Variants in MYO18B observed in about 807,000 individuals in gnomAD.
The protein encoded by MYO18B is myosin XVIIIB.
In MYO18B, 204 loss-of-function variants were observed where a neutral mutation model predicts 273.0. That is an observed-to-expected ratio of 0.75 (90% CI 0.67 to 0.84). The LOEUF (loss-of-function observed/expected upper bound fraction) is 0.84. Among genes scored for constraint, MYO18B ranks in the 40% least tolerant of loss-of-function variants. The probability of loss-of-function intolerance (pLI) is 0.00; values close to 1 mark genes in which losing one functional copy is unlikely to be tolerated. For missense variants in MYO18B, 3,212 were observed against 3,287.6 expected (o/e 0.98, Z 0.56); for synonymous variants, 1,330 against 1,305.7 (o/e 1.02, Z -0.40).
In MYO18B at chr22:25,785,614, C is replaced by A. The variant is rs1252402908; in HGVS notation, c.2376+123C>A. 1.1e-4 allele frequency: 118 copies of A among 1,027,736 alleles called. No individual in the cohort carries two copies. In the South Asian group the frequency reaches 1.6e-3, roughly 14 times the overall value. 63.7% of individuals were successfully genotyped at this position (1,027,736 alleles called of 1,614,324 possible). ...GGGTTCATAGTTGGCAAGGGTTGGT[C>A]ATGTGGAAGAGTTGGCACTGCCTTT... On this transcript the variant is annotated intron_variant, in intron 11 of 43. Coordinates refer to ENST00000335473, the MANE Select transcript of MYO18B (RefSeq NM_032608.7).
intron 22 of MYO18B, among the ~76,000 whole-genome samples, chr22:25,869,837 A>G (rs1202204373): frequency 6.6e-6 from 1 of 152,178 alleles, no homozygotes; most frequent in East Asian, 1.9e-4. Flanking sequence ...TGGTCCTGCT[A>G]AGGTATATGG....
Position 26,027,008 on chromosome 22 carries a change from A to C in MYO18B, c.7034A>C (p.Lys2345Thr), listed in dbSNP as rs1426784769. The change falls in exon 43 of 44, where the codon AAA becomes ACA. Residue 2345 changes from lysine to threonine, a missense_variant. By Grantham distance (78) the Lys-to-Thr change is moderately conservative (BLOSUM62 -1). Coordinates refer to ENST00000335473, the MANE Select transcript of MYO18B (RefSeq NM_032608.7). This position sits in a 1 kb window ranked among gnomAD's most constrained non-coding sequence, Gnocchi z 4.1. ...GGTTLLPEKS[K>T]TQFSSCESLL... is the part of the protein sequence containing the mutation. ...ACAACCCTACTCCCCGAAAAGTCGAAAACCCAATTCAGTTCCTGCGAGTCC... is the reference window on the plus strand; with the variant it reads ...ACAACCCTACTCCCCGAAAAGTCGACAACCCAATTCAGTTCCTGCGAGTCC... The C allele has an allele frequency of 6.2e-7, 1 of 1,613,976 alleles. No homozygotes were observed. Among genetic ancestry groups the C allele is most frequent in the Admixed American group, 1.7e-5 (1 of 60,018 alleles).
At chr22:26,048,476 G>T in the MYO18B span, among the ~76,000 whole-genome samples, 2 of 152,066 alleles carry the variant, frequency 1.3e-5, no homozygotes, top group Non-Finnish European at 2.9e-5. Context: ...CGGGGGTGGG[G>T]TGCAGAGCAT....
intron 39 of MYO18B, among the ~76,000 whole-genome samples, chr22:25,982,103 G>A (rs2093154746): frequency 6.6e-6 from 1 of 152,166 alleles, no homozygotes; most frequent in South Asian, 2.1e-4. Context: ...GATCTTATTT[G>A]CTAACATGAG....
chr22:25,796,594 TAAA>T (rs67767641), intron 11 of MYO18B, among the ~76,000 whole-genome samples: 1 of 141,468 alleles, frequency 7.1e-6, no homozygotes. Context: ...AGACCCTGTC[TAAA>T]AAAAAAAAAA....
chr22:25,950,517 G>GTTGTGT, intron 37 of MYO18B, 67 bp downstream of exon 37: 1 of 245,070 alleles, frequency 4.1e-6, no homozygotes, highest in African/African-American at 7.6e-5. Context: ...GAACTAATAG[G>GTTGTGT]ATGTGTGTGT....
At chr22:25,937,738 AC>A (rs1318289853) in intron 34 of MYO18B, among the ~76,000 whole-genome samples, 3 of 151,856 alleles carry the variant, frequency 2.0e-5, no homozygotes, top group Non-Finnish European at 4.4e-5. Flanking sequence ...GGCATGCACC[AC>A]CGCGCCTGGC....
At chr22:26,060,661 A>G in the MYO18B span, among the ~76,000 whole-genome samples, 1 of 152,194 alleles carries the variant, frequency 6.6e-6, no homozygotes, top group Non-Finnish European at 1.5e-5. Flanking sequence ...ACACATTTAT[A>G]CATACGCACA....
the MYO18B span, among the ~76,000 whole-genome samples, chr22:26,051,368 C>T: frequency 1.1e-4 from 16 of 152,078 alleles, no homozygotes; most frequent in African/African-American, 2.2e-4. Context: ...GGATTACAGG[C>T]GCCCACCACC....
At chr22:25,936,804 A>G (rs1044644192) in intron 34 of MYO18B, among the ~76,000 whole-genome samples, 3 of 152,088 alleles carry the variant, frequency 2.0e-5, no homozygotes, top group Non-Finnish European at 4.4e-5. Flanking sequence ...CTCACATGGT[A>G]GAGAGGAAGG....
rs557584189 is a variant in MYO18B, at chr22:25,865,058, G to C, written c.3886-3262G>C. Among the ~76,000 whole-genome samples the C allele has an allele frequency of 1.2e-4, 18 of 152,272 alleles. No homozygotes were observed. The East Asian group carries it at 3.3e-3, about 28-fold the overall frequency. ...ACCTAAACCAATGACAGTTTCGTAT[G>C]GTTCAATCTAATTGTAACGTTAAAT... On this transcript the variant is annotated intron_variant, in intron 21 of 43. Coordinates refer to ENST00000335473, the MANE Select transcript of MYO18B (RefSeq NM_032608.7).
chr22:25,829,752 C>A (rs530230340), intron 15 of MYO18B, among the ~76,000 whole-genome samples: 222 of 152,136 alleles, frequency 1.5e-3, no homozygotes, highest in Non-Finnish European at 2.7e-3. Context: ...GCAGGAGAAT[C>A]GCTTGAACCC....
At chr22:25,777,482 G>A in intron 7 of MYO18B, 101 bp from the exon 8 acceptor site, 4 of 1,152,076 alleles carry the variant, frequency 3.5e-6, no homozygotes, top group African/African-American at 3.2e-5. Context: ...CTGGAGGCAG[G>A]GACACAGATC....
chr22:26,002,387 G>A (rs1305830000), intron 40 of MYO18B, among the ~76,000 whole-genome samples: 1 of 152,170 alleles, frequency 6.6e-6, no homozygotes, highest in Non-Finnish European at 1.5e-5. Context: ...ACTTGTTCTT[G>A]GTCCAGAAGG....
Position 26,015,788 on chromosome 22 carries a change from C to A in MYO18B, c.6471-10657C>A, listed in dbSNP as rs192465392. Reference sequence around the variant, plus strand: ...CCTATATAACAAACCTGCACATGTACCCCTGAACTTAAAAGTTTTTTTTCT... The same window carrying A: ...CCTATATAACAAACCTGCACATGTAACCCTGAACTTAAAAGTTTTTTTTCT... On this transcript the variant is annotated intron_variant, in intron 42 of 43. Coordinates refer to ENST00000335473, the MANE Select transcript of MYO18B (RefSeq NM_032608.7). Among the ~76,000 whole-genome samples the A allele has an allele frequency of 4.1e-3, 628 of 152,224 alleles. 5 individuals carry two copies. The highest frequency in any genetic ancestry group is 0.014 in the African/African-American group (583 of 41,536).
intron 39 of MYO18B, among the ~76,000 whole-genome samples, chr22:25,965,877 C>T (rs956260351): frequency 1.3e-5 from 2 of 152,180 alleles, no homozygotes; most frequent in African/African-American, 4.8e-5. Context: ...TGTGACCTGG[C>T]GTCTCCTTGG....
intron 2 of MYO18B, among the ~76,000 whole-genome samples, chr22:25,761,606 C>T (rs2086320893): frequency 6.6e-6 from 1 of 152,162 alleles, no homozygotes. Context: ...TCCTTTCTCC[C>T]CTTTAGTATT....
intron 12 of MYO18B, among the ~76,000 whole-genome samples, chr22:25,809,929 A>G (rs947248721): frequency 1.3e-5 from 2 of 151,960 alleles, no homozygotes; most frequent in Admixed American, 6.6e-5. Context: ...TTTTAAAGCA[A>G]TCATATGAGG....
At chr22:25,911,409 A>G (rs1351580066) in intron 33 of MYO18B, among the ~76,000 whole-genome samples, 1 of 152,240 alleles carries the variant, frequency 6.6e-6, no homozygotes, top group Non-Finnish European at 1.5e-5. Flanking sequence ...AGAAGCAGTC[A>G]GCCTTGGAGC....
Sources: allele counts gnomAD v4.1 joint callset (sites outside exome capture counted in the v4.1 genomes callset), GRCh38; gene constraint gnomAD v4.1.1; non-coding constraint Gnocchi (gnomAD v3.1); transcripts MANE v1.5; gene names NCBI Gene and HGNC (gene_info 2026-07-23, HGNC 2026-07-21).